DIS3L2: variants seen among roughly 807,000 people sequenced by gnomAD.
The protein encoded by DIS3L2 is DIS3-like exonuclease 2.
DIS3L2 carries 34 observed loss-of-function variants against 97.5 expected under a neutral mutation model. The observed-to-expected ratio is 0.35, with a 90% confidence interval of 0.27 to 0.46. The LOEUF is 0.46. DIS3L2 is among the 20% of genes least tolerant of loss of function. The pLI is 1.00. For missense variants in DIS3L2, 1,038 were observed against 1,146.0 expected (o/e 0.91, Z 1.36); for synonymous variants, 435 against 445.2 (o/e 0.98, Z 0.29).
At chr2:232,313,054 C>T (rs2106332261) in intron 14 of DIS3L2, among the ~76,000 whole-genome samples, 1 of 152,078 alleles carries the variant, frequency 6.6e-6, no homozygotes, top group South Asian at 2.1e-4. Context: ...CAAATAATGA[C>T]AGTTTTACTT....
intron 16 of DIS3L2, among the ~76,000 whole-genome samples, chr2:232,333,578 G>A (rs977808650): frequency 6.6e-6 from 1 of 152,180 alleles, no homozygotes; most frequent in Non-Finnish European, 1.5e-5. Flanking sequence ...GAGGGCATCT[G>A]GGAGGCCCAG....
At chr2:232,323,472 C>T (rs999004242) in intron 14 of DIS3L2, among the ~76,000 whole-genome samples, 71 of 152,158 alleles carry the variant, frequency 4.7e-4, no homozygotes, top group African/African-American at 1.6e-3. Flanking sequence ...AAAACAGGTG[C>T]AGAATGTGTC....
chr2:232,005,170 AT>A (rs55757645), intron 1 of DIS3L2, among the ~76,000 whole-genome samples: 16,523 of 126,238 alleles, frequency 0.13, 1,067 homozygotes, highest in African/African-American at 0.25. Context: ...AAGAATCTTG[AT>A]TTTTTTTTTT....
At chr2:231,976,831 G>C (rs184605842) in intron 1 of DIS3L2, among the ~76,000 whole-genome samples, 1 of 146,704 alleles carries the variant, frequency 6.8e-6, no homozygotes, top group South Asian at 2.2e-4. Context: ...ACAGTGGCGC[G>C]ATCTTGGCTC....
rs115632696 is a variant in DIS3L2 at position 232,137,739 on chromosome 2, T to G, written c.950+1020T>G. Among the ~76,000 whole-genome samples the G allele has an allele frequency of 9.0e-3, 1,375 of 152,342 alleles. 16 individuals are homozygous for G. Among genetic ancestry groups the G allele is most frequent in the African/African-American group, 0.032 (1,315 of 41,572 alleles). ...AGAAACACTACCCTGTGCCACTTTTTCAGTTATATGAAGATTGGTGTGATT... is the reference window on the plus strand; with the variant it reads ...AGAAACACTACCCTGTGCCACTTTTGCAGTTATATGAAGATTGGTGTGATT... On this transcript the variant is annotated intron_variant, in intron 8 of 20. Coordinates refer to ENST00000325385, the MANE Select transcript of DIS3L2 (RefSeq NM_152383.5).
At chr2:232,232,724 G>C (rs1300573922) in intron 10 of DIS3L2, among the ~76,000 whole-genome samples, 2 of 152,174 alleles carry the variant, frequency 1.3e-5, no homozygotes, top group African/African-American at 4.8e-5. Flanking sequence ...ATTCTCAGTA[G>C]ACTTTGTATA....
intron 6 of DIS3L2, among the ~76,000 whole-genome samples, chr2:232,099,547 A>T (rs1432469857): frequency 6.6e-6 from 1 of 152,128 alleles, no homozygotes; most frequent in Non-Finnish European, 1.5e-5. Context: ...GTTAAAATGG[A>T]TCTTTGATTT....
intron 9 of DIS3L2, among the ~76,000 whole-genome samples, chr2:232,202,507 GA>G (rs1320021039): frequency 6.6e-6 from 1 of 152,194 alleles, no homozygotes; most frequent in African/African-American, 2.4e-5. Flanking sequence ...AGTTTGTTTG[GA>G]TTAAGTTTCA....
chr2:232,027,967 C>G (rs1694705758), intron 4 of DIS3L2, among the ~76,000 whole-genome samples: 1 of 152,168 alleles, frequency 6.6e-6, no homozygotes, highest in Non-Finnish European at 1.5e-5. Context: ...TTAAAAAGCA[C>G]AGTTTCTATT....
At chr2:232,130,741 C>T (rs1698193199) in intron 7 of DIS3L2, 22 bp downstream of exon 7, 3 of 1,612,212 alleles carry the variant, frequency 1.9e-6, no homozygotes, top group East Asian at 2.2e-5. Flanking sequence ...CAGATTTTCT[C>T]CACGTGTCCA....
At chr2:232,329,754 A>G (rs1695677136) in intron 14 of DIS3L2, 59 bp from the exon 15 acceptor site, 2 of 1,413,460 alleles carry the variant, frequency 1.4e-6, no homozygotes, top group Non-Finnish European at 1.9e-6. Flanking sequence ...AGCGTGGGAA[A>G]GCCTGCGCAC....
chr2:232,031,718 T>C (rs1171398868), intron 5 of DIS3L2, among the ~76,000 whole-genome samples: 1 of 152,126 alleles, frequency 6.6e-6, no homozygotes, highest in African/African-American at 2.4e-5. Context: ...GTTCTCATTG[T>C]TCACCTCCCA....
chr2:232,321,795 C>G (rs146866093), intron 14 of DIS3L2, among the ~76,000 whole-genome samples: 476 of 152,284 alleles, frequency 3.1e-3, no homozygotes, highest in African/African-American at 0.01. Context: ...GAGGCCCCCC[C>G]TTTGTTTCCA....
intron 1 of DIS3L2, among the ~76,000 whole-genome samples, chr2:231,989,214 A>G (rs1693512202): frequency 6.6e-6 from 1 of 152,148 alleles, no homozygotes; most frequent in African/African-American, 2.4e-5. Flanking sequence ...TGCTCAATAA[A>G]ATTTATGCTT....
chr2:232,187,656 T>C (rs1267199850), intron 9 of DIS3L2, among the ~76,000 whole-genome samples: 1 of 152,026 alleles, frequency 6.6e-6, no homozygotes, highest in African/African-American at 2.4e-5. Context: ...TTGGCCAGGA[T>C]GGTCTCGATC....
chr2:232,319,894 A>G (rs1267910041), intron 14 of DIS3L2, among the ~76,000 whole-genome samples: 1 of 152,194 alleles, frequency 6.6e-6, no homozygotes, highest in Non-Finnish European at 1.5e-5. Context: ...GCCTGCCTGA[A>G]AGGACTCAGG....
intron 19 of DIS3L2, 101 bp from the exon 20 acceptor site, chr2:232,335,672 C>CGAGGGCT: frequency 7.4e-7 from 1 of 1,352,856 alleles, no homozygotes; most frequent in Admixed American, 2.1e-5. Flanking sequence ...GGGCCAGGGC[C>CGAGGGCT]GAGGGCTGAG....
At chr2:232,156,726 T>G (rs1215594533) in intron 8 of DIS3L2, among the ~76,000 whole-genome samples, 1 of 152,200 alleles carries the variant, frequency 6.6e-6, no homozygotes, top group Non-Finnish European at 1.5e-5. Context: ...AACTTCAAGG[T>G]GAGAATAGTA....
chr2:232,164,316 C>T (rs1690740318), intron 9 of DIS3L2, among the ~76,000 whole-genome samples: 1 of 152,210 alleles, frequency 6.6e-6, no homozygotes, highest in African/African-American at 2.4e-5. Flanking sequence ...TTTATAACAA[C>T]ATCTTCTTTG....
Sources: gnomAD v4.1 joint callset for allele counts (sites outside exome capture counted in the v4.1 genomes callset) on GRCh38, gnomAD v4.1.1 for gene constraint, MANE v1.5 for transcripts, NCBI Gene and HGNC (gene_info 2026-07-23, HGNC 2026-07-21) for gene names.